Variants in FANCB observed in about 807,000 individuals in gnomAD.
The protein encoded by FANCB is Fanconi anemia group B protein.
Under a neutral mutation model 38.9 loss-of-function variants are expected in FANCB, and 5 were observed. The observed-to-expected ratio is 0.13, with a 90% CI of 0.07 to 0.27. FANCB has a LOEUF of 0.27. Ranked by LOEUF, FANCB falls within the 10% of genes least tolerant of loss-of-function variation. The probability of loss-of-function intolerance (pLI) is 1.00; values close to 1 mark genes in which losing one functional copy is unlikely to be tolerated. For synonymous variants in FANCB, 236 were observed against 215.4 expected (o/e 1.10, Z -0.84); for missense variants, 573 against 602.7 (o/e 0.95, Z 0.52).
the FANCB span, among the ~76,000 whole-genome samples, chrX:14,825,753 T>C: frequency 8.9e-6 from 1 of 112,233 alleles, no homozygotes; most frequent in Non-Finnish European, 1.9e-5. Context: ...AGAAGAACCA[T>C]AGATGTTCCA....
the FANCB span, among the ~76,000 whole-genome samples, chrX:14,810,430 C>A: frequency 2.7e-5 from 3 of 111,407 alleles, no homozygotes; most frequent in Non-Finnish European, 3.8e-5. Context: ...AAAATTTAGA[C>A]GAATGTATAG....
downstream of FANCB, among the ~76,000 whole-genome samples, chrX:14,835,565 G>C (rs1009694375): frequency 1.1e-4 from 12 of 111,737 alleles, no homozygotes; most frequent in Non-Finnish European, 1.9e-5. Flanking sequence ...AGCAGGTTTC[G>C]GGTAGGGCCC....
the FANCB span, chrX:14,731,050 C>G: frequency 8.9e-6 from 1 of 112,100 alleles, no homozygotes; most frequent in East Asian, 2.8e-4. Flanking sequence ...TTAAAACAAG[C>G]CTCCTAAGCT....
downstream of FANCB, among the ~76,000 whole-genome samples, chrX:14,831,271 A>C (rs947322097): frequency 8.9e-6 from 1 of 112,697 alleles, no homozygotes; most frequent in African/African-American, 3.2e-5. Context: ...TCAAGACAGA[A>C]AATGGGCTCC....
the FANCB span, among the ~76,000 whole-genome samples, chrX:14,795,807 A>G: frequency 8.9e-6 from 1 of 112,022 alleles, no homozygotes; most frequent in African/African-American, 3.2e-5. Context: ...GGCAATTCTG[A>G]GTGCACAGAA....
Position 14,865,207 on chromosome X carries a change from T to C in FANCB, c.304A>G (p.Asn102Asp), listed in dbSNP as rs1569092764. 2 of 1,160,737 alleles carry C rather than the reference T, an allele frequency of 1.7e-6. No individual in the cohort carries two copies. ...PYIVIEKNKKNNVFEYFLLIL... is the reference protein window; with the variant it reads ...PYIVIEKNKKDNVFEYFLLIL... Reference sequence around the variant, plus strand: ...AGTAAAAAATATTCAAAAACATTATTCTTTTTATTTTTTTCTATCACAATG... The same window carrying C: ...AGTAAAAAATATTCAAAAACATTATCCTTTTTATTTTTTTCTATCACAATG... The change falls in exon 3 of 10, where the codon AAT becomes GAT. Residue 102 changes from asparagine (N) to aspartate (D), a missense_variant. Asn to Asp is a conservative substitution (Grantham distance 23). Transcript: ENST00000650831.
rs1230976485 is a variant in FANCB, at chrX:14,845,283, G to A, written c.1500C>T (p.Ser500=). Residue 500 remains serine (S), a synonymous_variant, in exon 8 of 10, where the codon TCC becomes TCT. Transcript: ENST00000650831. ...GVKTTSSLKL[S]LNDVTLSLLM... Reference sequence around the variant, plus strand: ...ACAATGATAAAGTCACATCATTCAGGGACCTGTAAAAAACCCAGACTTTGG... The same window carrying A: ...ACAATGATAAAGTCACATCATTCAGAGACCTGTAAAAAACCCAGACTTTGG... 1 of 1,203,481 alleles carries A rather than the reference G, an allele frequency of 8.3e-7. No homozygotes were observed. The highest frequency in any genetic ancestry group is 3.0e-5 in the East Asian group (1 of 33,758).
the FANCB span, among the ~76,000 whole-genome samples, chrX:14,784,408 C>A: frequency 2.8e-4 from 31 of 111,208 alleles, no homozygotes; most frequent in African/African-American, 9.2e-4. Context: ...CAGCTCATGA[C>A]TCCTTCCCTT....
chrX:14,805,640 G>A, the FANCB span, among the ~76,000 whole-genome samples: 2 of 112,119 alleles, frequency 1.8e-5, no homozygotes, highest in Non-Finnish European at 3.8e-5. Flanking sequence ...CAGGCATTTT[G>A]TATTTCCTTC....
chrX:14,799,628 G>A, the FANCB span, among the ~76,000 whole-genome samples: 2 of 111,782 alleles, frequency 1.8e-5, no homozygotes, highest in Non-Finnish European at 3.8e-5. Flanking sequence ...GATGGTTGAT[G>A]GTAATATAGA....
the FANCB span, among the ~76,000 whole-genome samples, chrX:14,716,111 G>A: frequency 1.8e-5 from 2 of 111,127 alleles, no homozygotes; most frequent in African/African-American, 6.5e-5. Context: ...GGGGTTGAAA[G>A]AAGACAATAA....
At chrX:14,834,707 T>C (rs2092336600), downstream of FANCB, 4 of 746,598 alleles carry the variant, frequency 5.4e-6, no homozygotes, top group East Asian at 3.2e-5. Context: ...GTGTTGATGA[T>C]GGTTTTGAGT....
At chrX:14,771,500 T>A in the FANCB span, among the ~76,000 whole-genome samples, 1 of 111,708 alleles carries the variant, frequency 9.0e-6, no homozygotes, top group Non-Finnish European at 1.9e-5. Context: ...GTTATGTTCC[T>A]CTCCAAACTG....
chrX:14,696,811 A>G, the FANCB span, among the ~76,000 whole-genome samples: 1 of 112,113 alleles, frequency 8.9e-6, no homozygotes, highest in Admixed American at 9.4e-5. Flanking sequence ...GGCAGTTACA[A>G]TCCCTGCTAT....
the FANCB span, among the ~76,000 whole-genome samples, chrX:14,723,572 A>T: frequency 8.9e-6 from 1 of 111,795 alleles, no homozygotes; most frequent in Admixed American, 9.5e-5. Flanking sequence ...CTCAAAATAA[A>T]GCTTCATCAG....
the FANCB span, among the ~76,000 whole-genome samples, chrX:14,698,159 T>C: frequency 9.0e-6 from 1 of 111,640 alleles, no homozygotes; most frequent in Non-Finnish European, 1.9e-5. Context: ...TTATTTTTTA[T>C]TTAATGTTTT....
the FANCB span, among the ~76,000 whole-genome samples, chrX:14,750,634 A>C: frequency 3.6e-5 from 4 of 110,971 alleles, no homozygotes; most frequent in Non-Finnish European, 7.6e-5. Flanking sequence ...GGGGAGCCCA[A>C]GTCTCTGGGG....
chrX:14,817,486 A>G, the FANCB span, among the ~76,000 whole-genome samples: 13 of 111,707 alleles, frequency 1.2e-4, no homozygotes, highest in South Asian at 4.9e-3. Flanking sequence ...TACAATCAGA[A>G]CTGGTGTCAA....
At chrX:14,823,056 C>T in the FANCB span, among the ~76,000 whole-genome samples, 128 of 97,873 alleles carry the variant, frequency 1.3e-3, 1 homozygote, top group African/African-American at 4.5e-3. Context: ...TGTTTGCGTA[C>T]TATATTTTTG....
Sources: gnomAD v4.1 joint callset for allele counts (sites outside exome capture counted in the v4.1 genomes callset) on GRCh38, gnomAD v4.1.1 for gene constraint, MANE v1.5 for transcripts, NCBI Gene and HGNC (gene_info 2026-07-23, HGNC 2026-07-21) for gene names.